Variants in PTPRA observed in about 807,000 individuals in gnomAD.
PTPRA encodes protein tyrosine phosphatase receptor type A.
Under a neutral mutation model 104.8 loss-of-function variants are expected in PTPRA, and 25 were observed. The observed-to-expected ratio is 0.24, with a 90% CI of 0.17 to 0.33. The LOEUF is 0.33. PTPRA is among the 10% of genes least tolerant of loss of function. The probability of loss-of-function intolerance (pLI) is 1.00; values close to 1 mark genes in which losing one functional copy is unlikely to be tolerated. For missense variants in PTPRA, 765 were observed against 1,015.3 expected, an observed-to-expected ratio of 0.75 and a Z score of 3.35; for synonymous variants, 323 against 368.9, an observed-to-expected ratio of 0.88 and a Z score of 1.43.
chr20:2,957,110 C>G (rs962695388), intron 3 of PTPRA, among the ~76,000 whole-genome samples: 1 of 152,114 alleles, frequency 6.6e-6, no homozygotes, highest in Non-Finnish European at 1.5e-5. Context: ...ACAGTGAAAC[C>G]CTGTCTCTAC....
chr20:3,016,764 C>T (rs2064478342), intron 12 of PTPRA, among the ~76,000 whole-genome samples: 1 of 152,200 alleles, frequency 6.6e-6, no homozygotes, highest in Non-Finnish European at 1.5e-5. Context: ...TTAGGGACTA[C>T]AAGATTTATA....
chr20:2,866,548 G>C, the PTPRA span: 1 of 1,614,182 alleles, frequency 6.2e-7, no homozygotes, highest in Admixed American at 1.7e-5. Context: ...GATTCAACGG[G>C]CCAGGGCACA....
intron 1 of PTPRA, among the ~76,000 whole-genome samples, chr20:2,918,425 T>G (rs1952303681): frequency 6.6e-6 from 1 of 152,174 alleles, no homozygotes; most frequent in Non-Finnish European, 1.5e-5. Context: ...GGCAGAAACA[T>G]GGTGAGCAGC....
intron 2 of PTPRA, among the ~76,000 whole-genome samples, chr20:2,932,183 A>C (rs2060531112): frequency 6.6e-6 from 1 of 152,172 alleles, no homozygotes; most frequent in South Asian, 2.1e-4. Flanking sequence ...AATGCAAGTC[A>C]AGGAGAATGA....
At chr20:2,871,513 TA>T (rs984951266), upstream of PTPRA, among the ~76,000 whole-genome samples, 6 of 150,888 alleles carry the variant, frequency 4.0e-5, no homozygotes, top group Non-Finnish European at 7.4e-5. Flanking sequence ...AAATAAAAAG[TA>T]AAAAAAAACT....
At chr20:2,878,517 G>A (rs2089874141) in intron 1 of PTPRA, among the ~76,000 whole-genome samples, 1 of 152,210 alleles carries the variant, frequency 6.6e-6, no homozygotes, top group Non-Finnish European at 1.5e-5. Flanking sequence ...GCCAACAGCT[G>A]TAGTTGGTGC....
At chr20:2,883,972 A>AT (rs2090222968) in intron 1 of PTPRA, among the ~76,000 whole-genome samples, 2 of 152,184 alleles carry the variant, frequency 1.3e-5, no homozygotes, top group South Asian at 4.1e-4. Context: ...TGGACATTTC[A>AT]TATAAATGAA....
chr20:3,028,940 G>A (rs992341022), intron 20 of PTPRA, among the ~76,000 whole-genome samples: 1 of 152,128 alleles, frequency 6.6e-6, no homozygotes, highest in African/African-American at 2.4e-5. Context: ...AAGTGAGGAG[G>A]AATTAAGGAT....
At chr20:2,907,535 A>T (rs1372654750) in intron 1 of PTPRA, among the ~76,000 whole-genome samples, 3 of 152,120 alleles carry the variant, frequency 2.0e-5, no homozygotes, top group Non-Finnish European at 4.4e-5. Context: ...TTACATTTTC[A>T]CGTTTTATAA....
chr20:2,937,104 TA>T (rs1474193817), intron 2 of PTPRA, among the ~76,000 whole-genome samples: 2 of 149,842 alleles, frequency 1.3e-5, no homozygotes, highest in Admixed American at 1.4e-4. Flanking sequence ...AGGAATCTTT[TA>T]GTTCCTTCTA....
intron 1 of PTPRA, among the ~76,000 whole-genome samples, chr20:2,888,414 C>T (rs1051119241): frequency 8.6e-5 from 13 of 151,864 alleles, no homozygotes; most frequent in Admixed American, 2.6e-4. Flanking sequence ...TAAAAGCTAG[C>T]CAGGTGTAAT....
At chr20:3,005,277 A>G in intron 10 of PTPRA, 131 bp downstream of exon 10, 2 of 851,336 alleles carry the variant, frequency 2.3e-6, no homozygotes. Flanking sequence ...GGCAGTACTC[A>G]GTGGCTCATA....
At chr20:2,915,575 C>G (rs571178254) in intron 1 of PTPRA, among the ~76,000 whole-genome samples, 1 of 152,250 alleles carries the variant, frequency 6.6e-6, no homozygotes, top group South Asian at 2.1e-4. Flanking sequence ...GGTTGTCTTT[C>G]AAAATTTTGA....
intron 2 of PTPRA, among the ~76,000 whole-genome samples, chr20:2,942,257 C>T (rs1844410603): frequency 6.6e-6 from 1 of 152,228 alleles, no homozygotes; most frequent in East Asian, 1.9e-4. Flanking sequence ...GTAAGCCTTA[C>T]TTGATCAGGT....
At chr20:2,946,419 AAG>A (rs1397521502) in intron 2 of PTPRA, among the ~76,000 whole-genome samples, 1 of 152,190 alleles carries the variant, frequency 6.6e-6, no homozygotes, top group African/African-American at 2.4e-5. Flanking sequence ...AGAGAGGAAA[AAG>A]AGAGCAAACA....
At position 2,873,515 on chromosome 20, in the gene PTPRA, G is replaced by A. The variant is rs2146713046; in HGVS notation, c.-374G>A. On this transcript the variant is annotated 5_prime_UTR_variant, in exon 1 of 24. Coordinates refer to ENST00000399903, the MANE Select transcript of PTPRA (RefSeq NM_001385305.1). This position sits in a 1 kb window ranked among gnomAD's most constrained non-coding sequence, Gnocchi z 4.4. ...GCGAGGCTGCGGCGAGTGCGGCGCTGACAGAGACGCGCGCGCGCGCGATCG... is the reference window on the plus strand; with the variant it reads ...GCGAGGCTGCGGCGAGTGCGGCGCTAACAGAGACGCGCGCGCGCGCGATCG... 1.3e-5 allele frequency: 2 copies of A among 152,070 alleles called. No individual in the cohort carries two copies. Among genetic ancestry groups the A allele is most frequent in the South Asian group, 4.1e-4 (2 of 4,826 alleles). The allele number at this position is 152,070 out of a possible 1,614,324, so 9.4% of individuals were successfully genotyped here.
intron 1 of PTPRA, among the ~76,000 whole-genome samples, chr20:2,912,040 C>T (rs117848318): frequency 0.038 from 5,723 of 151,476 alleles, 269 homozygotes; most frequent in Admixed American, 0.11. Context: ...CCCAGGAGTT[C>T]GAGACAAGCC....
At chr20:2,907,855 C>T (rs999664518) in intron 1 of PTPRA, among the ~76,000 whole-genome samples, 14 of 151,464 alleles carry the variant, frequency 9.2e-5, no homozygotes, top group Non-Finnish European at 1.6e-4. Flanking sequence ...CTAATATTTT[C>T]GACTTTTAGA....
At chr20:2,957,970 C>T (rs1466313381) in intron 3 of PTPRA, among the ~76,000 whole-genome samples, 1 of 150,782 alleles carries the variant, frequency 6.6e-6, no homozygotes, top group Non-Finnish European at 1.5e-5. Flanking sequence ...TTTTAAGCAG[C>T]ATCTGGCAGT....
Sources: gnomAD v4.1 joint callset for allele counts (sites outside exome capture counted in the v4.1 genomes callset) on GRCh38, gnomAD v4.1.1 for gene constraint, Gnocchi (gnomAD v3.1) non-coding constraint, MANE v1.5 for transcripts, NCBI Gene and HGNC (gene_info 2026-07-23, HGNC 2026-07-21) for gene names.